Variants in PTPRD observed in about 807,000 individuals in gnomAD.
PTPRD encodes protein tyrosine phosphatase receptor type D.
A neutral mutation model predicts 214.5 loss-of-function variants in PTPRD; 34 were observed. The observed-to-expected ratio is 0.16, with a 90% CI of 0.12 to 0.21. The LOEUF is 0.21. Among genes scored for constraint, PTPRD ranks in the 10% least tolerant of loss-of-function variants. The pLI is 1.00. For synonymous variants in PTPRD, 1,128 were observed against 845.7 expected, an observed-to-expected ratio of 1.33 and a Z score of -5.79; for missense variants, 2,545 against 2,398.7, an observed-to-expected ratio of 1.06 and a Z score of -1.27.
At chr9:9,275,064 TATTATATATATATATATA>T (rs1319919403) in intron 9 of PTPRD, among the ~76,000 whole-genome samples, 12 of 66,908 alleles carry the variant, frequency 1.8e-4, no homozygotes, top group African/African-American at 6.5e-4. Flanking sequence ...TGTATATATA[TATTATATATATATATATA>T]ATATATATGT....
chr9:10,042,680 C>T (rs1037011173), intron 3 of PTPRD, among the ~76,000 whole-genome samples: 2 of 151,798 alleles, frequency 1.3e-5, no homozygotes, highest in African/African-American at 4.8e-5. Flanking sequence ...GGAGGACCAC[C>T]AGATGAGGGA....
intron 5 of PTPRD, among the ~76,000 whole-genome samples, chr9:9,831,146 G>A (rs544652279): frequency 6.6e-6 from 1 of 152,006 alleles, no homozygotes; most frequent in Non-Finnish European, 1.5e-5. Context: ...CACTATGAAG[G>A]TTAAGAGGAA....
chr9:10,195,057 C>G (rs1000747220), intron 3 of PTPRD, among the ~76,000 whole-genome samples: 30 of 150,140 alleles, frequency 2.0e-4, no homozygotes, highest in Non-Finnish European at 3.7e-4. Flanking sequence ...CTCAGCCTTC[C>G]AAGTAGCTGG....
chr9:9,812,043 A>G (rs750708100), intron 5 of PTPRD, among the ~76,000 whole-genome samples: 1 of 152,198 alleles, frequency 6.6e-6, no homozygotes. Context: ...TTGAGGCAAG[A>G]CGCTTCATAA....
chr9:10,435,324 C>T (rs910000102), intron 2 of PTPRD, among the ~76,000 whole-genome samples: 4 of 152,028 alleles, frequency 2.6e-5, no homozygotes, highest in East Asian at 3.9e-4. Context: ...CCTAATAGCA[C>T]TTTACACGAC....
chr9:9,430,302 A>G (rs965135823), intron 8 of PTPRD, among the ~76,000 whole-genome samples: 1 of 152,024 alleles, frequency 6.6e-6, no homozygotes, highest in Admixed American at 6.6e-5. Context: ...CCCATTCACA[A>G]TTGCTTCAAA....
intron 30 of PTPRD, among the ~76,000 whole-genome samples, chr9:8,483,865 T>A (rs2096942606): frequency 6.6e-6 from 1 of 152,244 alleles, no homozygotes; most frequent in African/African-American, 2.4e-5. Context: ...CTATATGTTT[T>A]TCTGTTTCTC....
At chr9:8,614,960 A>G (rs905623705) in intron 14 of PTPRD, among the ~76,000 whole-genome samples, 2 of 152,068 alleles carry the variant, frequency 1.3e-5, no homozygotes, top group Admixed American at 6.6e-5. Flanking sequence ...AGGAGAGCCC[A>G]CTCTTGAGAC....
chr9:9,496,029 A>G (rs1467592299), intron 8 of PTPRD, among the ~76,000 whole-genome samples: 1 of 152,030 alleles, frequency 6.6e-6, no homozygotes, highest in African/African-American at 2.4e-5. Context: ...ACACTTGCTC[A>G]CTCACATGCT....
At chr9:9,459,111 G>C (rs1400345282) in intron 8 of PTPRD, among the ~76,000 whole-genome samples, 2 of 152,004 alleles carry the variant, frequency 1.3e-5, no homozygotes, top group Non-Finnish European at 2.9e-5. Flanking sequence ...GGATGCCTGA[G>C]AAACTCAAAG....
chr9:8,802,733 A>G (rs965493679), intron 11 of PTPRD, among the ~76,000 whole-genome samples: 1 of 152,218 alleles, frequency 6.6e-6, no homozygotes, highest in African/African-American at 2.4e-5. Context: ...GAAATTGCTT[A>G]AATTCTTCCA....
At chr9:8,833,232 G>A (rs2097335248) in intron 11 of PTPRD, among the ~76,000 whole-genome samples, 2 of 151,990 alleles carry the variant, frequency 1.3e-5, no homozygotes, top group East Asian at 1.9e-4. Context: ...TAACCATATT[G>A]GACAGTATTC....
At chr9:8,424,357 T>C (rs2094532280) in intron 35 of PTPRD, among the ~76,000 whole-genome samples, 1 of 152,168 alleles carries the variant, frequency 6.6e-6, no homozygotes, top group African/African-American at 2.4e-5. Context: ...GTTCATATCC[T>C]AGCTTTGCCA....
chr9:8,884,853 C>T (rs13290163), intron 11 of PTPRD, among the ~76,000 whole-genome samples: 33,270 of 152,150 alleles, frequency 0.22, 4,289 homozygotes, highest in Non-Finnish European at 0.29. Context: ...GTTGGGCTTG[C>T]TGTGGGCACT....
chr9:9,200,866 A>G lies in PTPRD; in HGVS notation c.-202-17503T>C, dbSNP rs566026684. Among the ~76,000 whole-genome samples, 92 of 152,326 alleles carry G rather than the reference A, an allele frequency of 6.0e-4. 1 individual carries two copies. The highest frequency in any genetic ancestry group is 2.2e-3 in the African/African-American group (91 of 41,580). ...CTTACACAAAACCATCATTGATTAC[A>G]TTTCCCCATGTGGTTTTCCTCTCTA... On this transcript the variant is annotated intron_variant, in intron 9 of 45. Coordinates refer to ENST00000381196, the MANE Select transcript of PTPRD (RefSeq NM_002839.4).
intron 11 of PTPRD, among the ~76,000 whole-genome samples, chr9:8,819,247 G>C (rs1204169130): frequency 1.3e-5 from 2 of 152,078 alleles, no homozygotes; most frequent in African/African-American, 4.8e-5. Flanking sequence ...TGACATGCTT[G>C]AATAAATAAA....
chr9:8,457,326 C>T (rs890767208), intron 33 of PTPRD, among the ~76,000 whole-genome samples: 1 of 151,994 alleles, frequency 6.6e-6, no homozygotes, highest in Non-Finnish European at 1.5e-5. Context: ...TATTTTAAGT[C>T]ATGGGCCATA....
At chr9:10,569,554 C>A (rs1035781653) in intron 2 of PTPRD, among the ~76,000 whole-genome samples, 2 of 151,338 alleles carry the variant, frequency 1.3e-5, no homozygotes, top group Non-Finnish European at 1.5e-5. Flanking sequence ...TATATACAGG[C>A]TTTTTACCTC....
intron 2 of PTPRD, among the ~76,000 whole-genome samples, chr9:10,529,054 T>C (rs1355003968): frequency 1.3e-5 from 2 of 152,174 alleles, no homozygotes; most frequent in African/African-American, 4.8e-5. Flanking sequence ...TATTTGTTCA[T>C]GCTATAAAAT....
Sources: gnomAD v4.1 joint callset for allele counts (sites outside exome capture counted in the v4.1 genomes callset) on GRCh38, gnomAD v4.1.1 for gene constraint, MANE v1.5 for transcripts, NCBI Gene and HGNC (gene_info 2026-07-23, HGNC 2026-07-21) for gene names.